Variants in MACROD2 observed in about 807,000 individuals in gnomAD.
MACROD2 encodes the protein ADP-ribose glycohydrolase MACROD2.
Under a neutral mutation model 70.4 loss-of-function variants are expected in MACROD2, and 36 were observed. The ratio of observed to expected loss-of-function variants is 0.51; its 90% CI spans 0.39 to 0.68. The LOEUF is 0.68. MACROD2 is among the 30% of genes least tolerant of loss of function. The probability of loss-of-function intolerance (pLI) is 0.00; values close to 1 mark genes in which losing one functional copy is unlikely to be tolerated. For synonymous variants in MACROD2, 172 were observed against 178.8 expected, an observed-to-expected ratio of 0.96 and a Z score of 0.30; for missense variants, 496 against 538.4, an observed-to-expected ratio of 0.92 and a Z score of 0.78.
intron 3 of MACROD2, among the ~76,000 whole-genome samples, chr20:14,297,403 A>G (rs2082436706): frequency 6.6e-6 from 1 of 152,012 alleles, no homozygotes; most frequent in South Asian, 2.1e-4. Flanking sequence ...TGGGAATGCA[A>G]AAGAAAATTT....
chr20:15,380,103 A>G (rs1264172753), intron 6 of MACROD2, among the ~76,000 whole-genome samples: 1 of 152,050 alleles, frequency 6.6e-6, no homozygotes, highest in South Asian at 2.1e-4. Flanking sequence ...CTTGAATGAC[A>G]TATCTTTAGA....
intron 10 of MACROD2, among the ~76,000 whole-genome samples, chr20:15,912,557 CTA>C (rs2065252571): frequency 6.6e-6 from 1 of 152,184 alleles, no homozygotes; most frequent in Non-Finnish European, 1.5e-5. Context: ...AACTTACTCA[CTA>C]TACAGTGTGT....
rs114025796 is a variant in MACROD2, at chr20:14,498,655, A to T, written c.301+5147A>T. On this transcript the variant is annotated intron_variant, in intron 4 of 17. Transcript: ENST00000684519. The stretch of plus-strand genomic sequence containing the variant: ...ATTGGATGTCTTCTTTAAAAGGCAG[A>T]GCAGATATCCTGAAAACAACTAATT... 9.3e-3 allele frequency among the ~76,000 whole-genome samples: 1,424 copies of T among 152,348 alleles called. 17 individuals carry two copies. Among genetic ancestry groups the T allele is most frequent in the African/African-American group, 0.025 (1,043 of 41,562 alleles).
intron 3 of MACROD2, among the ~76,000 whole-genome samples, chr20:14,118,605 C>T (rs761950671): frequency 1.3e-5 from 2 of 152,114 alleles, no homozygotes; most frequent in Non-Finnish European, 2.9e-5. Flanking sequence ...TGCTGTTAGC[C>T]CTTTCCTTCA....
chr20:15,669,783 A>T (rs540349251), intron 8 of MACROD2, among the ~76,000 whole-genome samples: 2 of 152,354 alleles, frequency 1.3e-5, no homozygotes, highest in South Asian at 2.1e-4. Flanking sequence ...AGACCTAAGA[A>T]AATTGTCAAG....
chr20:14,399,299 G>A (rs181002973), intron 3 of MACROD2, among the ~76,000 whole-genome samples: 4 of 152,108 alleles, frequency 2.6e-5, no homozygotes, highest in Admixed American at 2.6e-4. Flanking sequence ...ACCGTGCCTG[G>A]CCTGAATGAG....
chr20:15,854,062 C>T (rs967846356), intron 8 of MACROD2, among the ~76,000 whole-genome samples: 3 of 152,262 alleles, frequency 2.0e-5, no homozygotes, highest in East Asian at 1.9e-4. Flanking sequence ...TAGGTGTGCA[C>T]ATCTTGTTCA....
At chr20:14,100,514 G>A (rs2054284294) in intron 3 of MACROD2, among the ~76,000 whole-genome samples, 2 of 148,154 alleles carry the variant, frequency 1.3e-5, no homozygotes, top group South Asian at 4.2e-4. Context: ...ATAGTATAAA[G>A]AAGTAAAATG....
At chr20:14,554,908 G>A (rs998387442) in intron 4 of MACROD2, among the ~76,000 whole-genome samples, 1 of 151,998 alleles carries the variant, frequency 6.6e-6, no homozygotes, top group African/African-American at 2.4e-5. Flanking sequence ...ATGCATGTGT[G>A]TTTTGAGACC....
intron 3 of MACROD2, among the ~76,000 whole-genome samples, chr20:14,373,227 T>C (rs573256563): frequency 1.3e-5 from 2 of 152,296 alleles, no homozygotes; most frequent in South Asian, 4.1e-4. Flanking sequence ...AGAGGAAATA[T>C]TTAGTGCCCT....
intron 8 of MACROD2, among the ~76,000 whole-genome samples, chr20:15,726,072 C>G (rs34624389): frequency 1.3e-5 from 2 of 151,918 alleles, no homozygotes; most frequent in Non-Finnish European, 2.9e-5. Context: ...TTGAATCGCT[C>G]TCTTCTCTCA....
At chr20:15,936,528 C>A (rs139142401) in intron 11 of MACROD2, among the ~76,000 whole-genome samples, 2,091 of 148,502 alleles carry the variant, frequency 0.014, 43 homozygotes, top group African/African-American at 0.044. Context: ...CACATGTGCA[C>A]ACTATAAATA....
chr20:14,637,632 C>CAGCAATTGTACTACAGCAATACAAAG (rs1440700895), intron 4 of MACROD2, among the ~76,000 whole-genome samples: 1 of 152,188 alleles, frequency 6.6e-6, no homozygotes, highest in East Asian at 1.9e-4. Context: ...CTGTTGCTCA[C>CAGCAATTGTACTACAGCAATACAAAG]ATTGTACTAC....
At chr20:14,369,233 C>A (rs2083300913) in intron 3 of MACROD2, among the ~76,000 whole-genome samples, 1 of 152,130 alleles carries the variant, frequency 6.6e-6, no homozygotes, top group Non-Finnish European at 1.5e-5. Context: ...GTTAGAGAAA[C>A]AAAGTAAGGT....
intron 4 of MACROD2, among the ~76,000 whole-genome samples, chr20:14,528,254 C>G (rs1026401661): frequency 1.3e-4 from 20 of 151,210 alleles, no homozygotes; most frequent in Non-Finnish European, 1.9e-4. Context: ...GGATTACAGG[C>G]ATGCGCCACC....
chr20:14,817,663 A>T (rs1568813521), intron 5 of MACROD2, among the ~76,000 whole-genome samples: 1 of 152,102 alleles, frequency 6.6e-6, no homozygotes, highest in African/African-American at 2.4e-5. Flanking sequence ...GGTTTATTTT[A>T]TAAGTTCATA....
At chr20:14,633,713 A>G in intron 4 of MACROD2, among the ~76,000 whole-genome samples, 1 of 152,028 alleles carries the variant, frequency 6.6e-6, no homozygotes. Context: ...TCTCTCCCAC[A>G]TCCTGTCCTT....
chr20:15,543,202 T>C (rs1258283937), intron 8 of MACROD2, among the ~76,000 whole-genome samples: 2 of 152,182 alleles, frequency 1.3e-5, no homozygotes, highest in African/African-American at 4.8e-5. Context: ...TTGGTTTGAG[T>C]CCACTAAACC....
intron 15 of MACROD2, among the ~76,000 whole-genome samples, chr20:16,000,940 G>C (rs905795190): frequency 3.9e-5 from 6 of 152,216 alleles, no homozygotes; most frequent in African/African-American, 1.4e-4. Context: ...TACATAAAAG[G>C]CTTTATTTTA....
Sources: gnomAD v4.1 joint callset for allele counts (sites outside exome capture counted in the v4.1 genomes callset) on GRCh38, gnomAD v4.1.1 for gene constraint, MANE v1.5 for transcripts, NCBI Gene and HGNC (gene_info 2026-07-23, HGNC 2026-07-21) for gene names.